Variants in MMP26 observed in about 807,000 individuals in gnomAD.
MMP26 encodes the protein matrix metalloproteinase-26.
MMP26 carries 33 observed loss-of-function variants against 31.0 expected under a neutral mutation model. The observed-to-expected ratio is 1.06, with a 90% confidence interval of 0.81 to 1.42. The LOEUF is 1.42. Among genes scored for constraint, MMP26 ranks in the 40% most tolerant of loss-of-function variants. MMP26 has a pLI of 0.00. For synonymous variants in MMP26, 122 were observed against 114.9 expected, an observed-to-expected ratio of 1.06 and a Z score of -0.40; for missense variants, 347 against 316.1, an observed-to-expected ratio of 1.10 and a Z score of -0.74.
chr11:4,905,835 C>T (rs1450076370), intron 2 of MMP26, among the ~76,000 whole-genome samples: 7 of 152,042 alleles, frequency 4.6e-5, no homozygotes, highest in Admixed American at 4.6e-4. Context: ...TATTTTACTT[C>T]TGAAAGTAAA....
intron 2 of MMP26, among the ~76,000 whole-genome samples, chr11:4,800,086 G>C (rs912413295): frequency 1.3e-5 from 2 of 152,154 alleles, no homozygotes; most frequent in Admixed American, 1.3e-4. Flanking sequence ...GGAGGGCAGT[G>C]GCCCCCCTTC....
intron 3 of MMP26, 108 bp downstream of exon 3, chr11:4,988,418 T>A: frequency 1.2e-6 from 1 of 815,224 alleles, no homozygotes; most frequent in Non-Finnish European, 2.2e-6. Flanking sequence ...ATACACACAT[T>A]AATATTACAC....
intron 2 of MMP26, among the ~76,000 whole-genome samples, chr11:4,936,895 A>G (rs902540615): frequency 6.6e-6 from 1 of 152,172 alleles, no homozygotes; most frequent in Non-Finnish European, 1.5e-5. Flanking sequence ...GTTAATATAC[A>G]TATTTTAAAA....
At chr11:4,805,727 G>T (rs184574278) in intron 2 of MMP26, among the ~76,000 whole-genome samples, 1 of 152,294 alleles carries the variant, frequency 6.6e-6, no homozygotes, top group African/African-American at 2.4e-5. Flanking sequence ...CCCAGACAGA[G>T]CCCTATTGAC....
chr11:4,732,192 C>T (rs1848182486), intron 1 of MMP26, among the ~76,000 whole-genome samples: 1 of 152,140 alleles, frequency 6.6e-6, no homozygotes, highest in African/African-American at 2.4e-5. Context: ...TTCTCCTGTA[C>T]ATATTTTGGG....
intron 2 of MMP26, among the ~76,000 whole-genome samples, chr11:4,974,953 A>T (rs561942359): frequency 6.6e-6 from 1 of 151,836 alleles, no homozygotes; most frequent in African/African-American, 2.4e-5. Context: ...GGGGCCTGTC[A>T]GGGGTTGAGG....
intron 2 of MMP26, chr11:4,914,634 C>T (rs1413843139): frequency 3.3e-6 from 3 of 900,768 alleles, no homozygotes; most frequent in Non-Finnish European, 5.1e-6. Context: ...TAAATGTCTC[C>T]TTTATTTTAT....
chr11:4,726,083 G>A (rs1345079662), intron 1 of MMP26, among the ~76,000 whole-genome samples: 1 of 152,162 alleles, frequency 6.6e-6, no homozygotes, highest in Admixed American at 6.5e-5. Context: ...GTAGTTTGTT[G>A]GGAGACTTTG....
At chr11:4,991,908 T>G in intron 6 of MMP26, 56 bp from the exon 7 acceptor site, 1 of 1,432,410 alleles carries the variant, frequency 7.0e-7, no homozygotes, top group Non-Finnish European at 9.3e-7. Flanking sequence ...TTCACACACT[T>G]TCAGCATTCC....
At chr11:4,894,805 G>A (rs942067415) in intron 2 of MMP26, among the ~76,000 whole-genome samples, 1 of 127,426 alleles carries the variant, frequency 7.8e-6, no homozygotes, top group African/African-American at 2.6e-5. Flanking sequence ...AGAAAACATT[G>A]GGAAGTATTA....
At chr11:4,966,977 C>A (rs1846604136) in intron 2 of MMP26, among the ~76,000 whole-genome samples, 1 of 152,136 alleles carries the variant, frequency 6.6e-6, no homozygotes, top group South Asian at 2.1e-4. Context: ...GTTTTGTTTG[C>A]ATTTGCAAGG....
chr11:4,900,515 T>A (rs1224082317), intron 2 of MMP26, among the ~76,000 whole-genome samples: 2 of 152,228 alleles, frequency 1.3e-5, no homozygotes, highest in African/African-American at 2.4e-5. Flanking sequence ...TTTGTGTTTA[T>A]GCAGTTTTCA....
At chr11:4,810,612 C>G (rs1849337116) in intron 2 of MMP26, among the ~76,000 whole-genome samples, 1 of 152,110 alleles carries the variant, frequency 6.6e-6, no homozygotes. Context: ...GGATGTTGAG[C>G]ATCGATTAGA....
At chr11:4,958,465 G>C (rs1417275769) in intron 2 of MMP26, among the ~76,000 whole-genome samples, 1 of 151,960 alleles carries the variant, frequency 6.6e-6, no homozygotes, top group Admixed American at 6.6e-5. Flanking sequence ...TTCTATTGTT[G>C]ATTCTTTCCT....
rs1344978179 is a variant in MMP26 at position 4,895,778 on chromosome 11, T to C, written c.-144-92290T>C. On this transcript the variant is annotated intron_variant, in intron 2 of 7. Coordinates refer to ENST00000380390, the MANE Select transcript of MMP26 (RefSeq NM_021801.5). ...ATCTCTACAAGAAAATAAAAATAGTTATCCAGGCATGGTGGCACATGACTG... is the reference window on the plus strand; with the variant it reads ...ATCTCTACAAGAAAATAAAAATAGTCATCCAGGCATGGTGGCACATGACTG... Among the ~76,000 whole-genome samples, 3 of 152,110 alleles carry C rather than the reference T, an allele frequency of 2.0e-5. No individual in the cohort carries two copies. The East Asian group carries it at 5.8e-4, about 29-fold the overall frequency.
intron 2 of MMP26, among the ~76,000 whole-genome samples, chr11:4,772,203 A>G (rs547966063): frequency 6.6e-6 from 1 of 152,218 alleles, no homozygotes; most frequent in South Asian, 2.1e-4. Context: ...TTACTAATCC[A>G]AGTAACCTGT....
rs1441258814 is a variant in MMP26 at position 4,855,209 on chromosome 11, A to G, written c.-145+87868A>G. The stretch of plus-strand genomic sequence containing the variant: ...CACCAGCAGTACAACAAAGCTGGAC[A>G]GAGAAGGACTTTGACGAGTTGACAG... On this transcript the variant is annotated intron_variant, in intron 2 of 7. Coordinates refer to ENST00000380390, the MANE Select transcript of MMP26 (RefSeq NM_021801.5). 3.3e-5 allele frequency among the ~76,000 whole-genome samples: 5 copies of G among 152,230 alleles called. No homozygotes were observed. The South Asian group carries it at 1.0e-3, about 32-fold the overall frequency.
chr11:4,831,312 G>C lies in MMP26; in HGVS notation c.-145+63971G>C, dbSNP rs529920825. Among the ~76,000 whole-genome samples the C allele has an allele frequency of 4.6e-5, 7 of 152,258 alleles. No homozygotes were observed. The South Asian group carries it at 1.5e-3, about 32-fold the overall frequency. ...GGGTCAGAGGAGCCCTTCCTCCTCTGCTCACTGAGGTGCTGTGTTTACTCA... is the reference window on the plus strand; with the variant it reads ...GGGTCAGAGGAGCCCTTCCTCCTCTCCTCACTGAGGTGCTGTGTTTACTCA... On this transcript the variant is annotated intron_variant, in intron 2 of 7. Coordinates refer to ENST00000380390, the MANE Select transcript of MMP26 (RefSeq NM_021801.5).
chr11:4,872,886 A>T (rs1164416926), intron 2 of MMP26, among the ~76,000 whole-genome samples: 1 of 152,058 alleles, frequency 6.6e-6, no homozygotes, highest in Admixed American at 6.6e-5. Context: ...GATAGACAGA[A>T]TTAAGCTAGC....
Sources: gnomAD v4.1 joint callset for allele counts (sites outside exome capture counted in the v4.1 genomes callset) on GRCh38, gnomAD v4.1.1 for gene constraint, MANE v1.5 for transcripts, NCBI Gene and HGNC (gene_info 2026-07-23, HGNC 2026-07-21) for gene names.